Variants in ZNF385D observed in about 807,000 individuals in gnomAD.
ZNF385D encodes zinc finger protein 385D.
A neutral mutation model predicts 35.8 loss-of-function variants in ZNF385D; 15 were observed. That is an observed-to-expected ratio of 0.42 (90% CI 0.28 to 0.64). The LOEUF (loss-of-function observed/expected upper bound fraction) is 0.64. ZNF385D is among the 30% of genes least tolerant of loss of function. The pLI, the probability that ZNF385D is intolerant of heterozygous loss-of-function variation, is 0.23. For missense variants in ZNF385D, 474 were observed against 494.6 expected (o/e 0.96, Z 0.39); for synonymous variants, 212 against 186.8 (o/e 1.13, Z -1.10).
chr3:21,471,080 A>G (rs77971239), intron 4 of ZNF385D, among the ~76,000 whole-genome samples: 1 of 152,246 alleles, frequency 6.6e-6, no homozygotes, highest in African/African-American at 2.4e-5. Flanking sequence ...TAAGTCTCTC[A>G]ATTTACATAT....
chr3:21,610,558 C>G (rs1192395531), intron 2 of ZNF385D, among the ~76,000 whole-genome samples: 2 of 151,838 alleles, frequency 1.3e-5, no homozygotes, highest in Non-Finnish European at 2.9e-5. Context: ...ATCATGAGGT[C>G]AGGAGATCGA....
At chr3:21,661,226 A>T (rs907673608) in intron 2 of ZNF385D, among the ~76,000 whole-genome samples, 11 of 152,056 alleles carry the variant, frequency 7.2e-5, no homozygotes, top group African/African-American at 2.7e-4. Flanking sequence ...AATAGTTTGT[A>T]TTTTTTTCAC....
At chr3:22,186,444 G>C (rs1695636112) in intron 2 of ZNF385D, among the ~76,000 whole-genome samples, 1 of 152,156 alleles carries the variant, frequency 6.6e-6, no homozygotes, top group South Asian at 2.1e-4. Context: ...GTGGAGATAA[G>C]TCTTGTAGTT....
intron 2 of ZNF385D, among the ~76,000 whole-genome samples, chr3:22,238,931 T>G (rs1248705983): frequency 6.7e-6 from 1 of 150,134 alleles, no homozygotes; most frequent in Non-Finnish European, 1.5e-5. Flanking sequence ...CTTGCCATGT[T>G]GTACAGGCTG....
At chr3:21,466,796 C>A (rs933513311) in intron 4 of ZNF385D, among the ~76,000 whole-genome samples, 4 of 152,194 alleles carry the variant, frequency 2.6e-5, no homozygotes, top group Admixed American at 6.5e-5. Context: ...TATCCATGAG[C>A]TATTGGCTTT....
chr3:21,580,710 T>G (rs2063630735), intron 2 of ZNF385D, among the ~76,000 whole-genome samples: 1 of 152,092 alleles, frequency 6.6e-6, no homozygotes, highest in Non-Finnish European at 1.5e-5. Context: ...ATATGAAATT[T>G]AGCACATAAG....
chr3:22,285,596 T>C (rs773094424), intron 2 of ZNF385D, among the ~76,000 whole-genome samples: 29 of 152,258 alleles, frequency 1.9e-4, no homozygotes, highest in Non-Finnish European at 2.9e-4. Context: ...GTTAGTTACA[T>C]ATGTATACAT....
chr3:22,298,480 C>T (rs558087071), intron 2 of ZNF385D, among the ~76,000 whole-genome samples: 2 of 138,604 alleles, frequency 1.4e-5, no homozygotes, highest in East Asian at 2.1e-4. Flanking sequence ...ATACATAAAA[C>T]ATTTATATAT....
At chr3:21,602,455 C>T (rs2064325934) in intron 2 of ZNF385D, among the ~76,000 whole-genome samples, 1 of 150,606 alleles carries the variant, frequency 6.6e-6, no homozygotes, top group Admixed American at 6.6e-5. Flanking sequence ...GACCCAAGTA[C>T]TAGCGCAGGG....
intron 3 of ZNF385D, among the ~76,000 whole-genome samples, chr3:21,800,542 G>A (rs1413823823): frequency 6.6e-6 from 1 of 152,190 alleles, no homozygotes; most frequent in East Asian, 1.9e-4. Flanking sequence ...GGAGGCTAAG[G>A]CAGGAGCATT....
chr3:22,220,226 G>A (rs1698170197), intron 2 of ZNF385D, among the ~76,000 whole-genome samples: 1 of 151,792 alleles, frequency 6.6e-6, no homozygotes, highest in Non-Finnish European at 1.5e-5. Context: ...ACCACACCAG[G>A]CTAATGATTT....
intron 4 of ZNF385D, among the ~76,000 whole-genome samples, chr3:21,454,791 G>A (rs1330382471): frequency 6.6e-6 from 1 of 152,160 alleles, no homozygotes; most frequent in Non-Finnish European, 1.5e-5. Context: ...AAAAGAGGAA[G>A]TCAAATTGTC....
intron 3 of ZNF385D, among the ~76,000 whole-genome samples, chr3:21,520,722 T>C (rs1707852020): frequency 6.6e-6 from 1 of 152,206 alleles, no homozygotes; most frequent in Admixed American, 6.5e-5. Flanking sequence ...ACAGGTTCTT[T>C]TTAAATCTGA....
chr3:22,135,210 A>G (rs1455043370), intron 3 of ZNF385D, among the ~76,000 whole-genome samples: 2 of 152,140 alleles, frequency 1.3e-5, no homozygotes. Flanking sequence ...TTATAGACAT[A>G]TTGGCAACTT....
chr3:21,888,393 G>C (rs540271475), intron 3 of ZNF385D, among the ~76,000 whole-genome samples: 1 of 152,256 alleles, frequency 6.6e-6, no homozygotes, highest in East Asian at 1.9e-4. Context: ...CTGAATTGAA[G>C]TTGGAGGAAG....
At chr3:21,432,042 A>G (rs1220774536) in intron 5 of ZNF385D, among the ~76,000 whole-genome samples, 2 of 152,176 alleles carry the variant, frequency 1.3e-5, no homozygotes, top group Non-Finnish European at 2.9e-5. Flanking sequence ...GAACAAATAC[A>G]ACTTTTTTTT....
intron 2 of ZNF385D, among the ~76,000 whole-genome samples, chr3:22,291,922 TTCTC>T (rs1227750869): frequency 6.6e-6 from 1 of 152,034 alleles, no homozygotes. Flanking sequence ...TCTATTATCT[TTCTC>T]TTATTTTGGT....
intron 3 of ZNF385D, among the ~76,000 whole-genome samples, chr3:21,976,569 T>G (rs1231976784): frequency 6.6e-6 from 1 of 152,170 alleles, no homozygotes; most frequent in Non-Finnish European, 1.5e-5. Flanking sequence ...ATGTAACAGA[T>G]AATCACCAAA....
intron 2 of ZNF385D, among the ~76,000 whole-genome samples, chr3:22,237,651 T>C (rs1699262834): frequency 6.6e-6 from 1 of 152,066 alleles, no homozygotes; most frequent in Non-Finnish European, 1.5e-5. Flanking sequence ...ATTTAGACCT[T>C]ATTTTATTTT....
Sources: allele counts gnomAD v4.1 joint callset (sites outside exome capture counted in the v4.1 genomes callset), GRCh38; gene constraint gnomAD v4.1.1; transcripts MANE v1.5; gene names NCBI Gene and HGNC (gene_info 2026-07-23, HGNC 2026-07-21).